Variants in TULP4 observed in about 807,000 individuals in gnomAD.
TULP4 encodes the protein tubby-related protein 4.
A neutral mutation model predicts 129.0 loss-of-function variants in TULP4; 16 were observed. That is an observed-to-expected ratio of 0.12 (90% CI 0.08 to 0.19). The LOEUF (loss-of-function observed/expected upper bound fraction) is 0.19. Ranked by LOEUF, TULP4 falls within the 10% of genes least tolerant of loss-of-function variation. The probability of loss-of-function intolerance (pLI) is 1.00; values close to 1 mark genes in which losing one functional copy is unlikely to be tolerated. For synonymous variants in TULP4, 998 were observed against 854.0 expected (o/e 1.17, Z -2.94); for missense variants, 1,842 against 2,059.1 (o/e 0.89, Z 2.04).
intron 1 of TULP4, among the ~76,000 whole-genome samples, chr6:158,289,939 A>AG (rs1207095607): frequency 3.3e-5 from 5 of 152,064 alleles, no homozygotes; most frequent in Non-Finnish European, 7.4e-5. Flanking sequence ...GCTATAGCCA[A>AG]GAAGTGTTTT....
chr6:158,248,084 G>A (rs772699957), intron 1 of TULP4, among the ~76,000 whole-genome samples: 1 of 152,208 alleles, frequency 6.6e-6, no homozygotes, highest in Non-Finnish European at 1.5e-5. Context: ...ACTGTTTAGA[G>A]TTGTTAAATA....
chr6:158,426,299 G>A (rs915920515), intron 2 of TULP4, among the ~76,000 whole-genome samples: 18 of 151,984 alleles, frequency 1.2e-4, no homozygotes, highest in East Asian at 5.8e-4. Context: ...ATCTTTGCCC[G>A]TTCCTATGTC....
At chr6:158,328,921 TG>T (rs1432062251) in intron 1 of TULP4, among the ~76,000 whole-genome samples, 2 of 152,086 alleles carry the variant, frequency 1.3e-5, no homozygotes, top group African/African-American at 4.8e-5. Flanking sequence ...CACTGGGCAG[TG>T]GGTATCGTAT....
chr6:158,392,056 C>T (rs1021869658), intron 1 of TULP4, among the ~76,000 whole-genome samples: 1 of 152,156 alleles, frequency 6.6e-6, no homozygotes, highest in Non-Finnish European at 1.5e-5. Flanking sequence ...ATACCCTAGA[C>T]TGGGCAGTTT....
upstream of TULP4, among the ~76,000 whole-genome samples, chr6:158,279,547 A>G (rs948160694): frequency 1.3e-5 from 2 of 152,234 alleles, no homozygotes; most frequent in Non-Finnish European, 2.9e-5. Context: ...TTTATGAGGA[A>G]AATCTTTAAC....
intron 1 of TULP4, among the ~76,000 whole-genome samples, chr6:158,375,203 A>G (rs1777157596): frequency 1.3e-5 from 2 of 152,232 alleles, no homozygotes; most frequent in South Asian, 2.1e-4. Flanking sequence ...AGATCGCACC[A>G]TGGCACTCCA....
intron 1 of TULP4, among the ~76,000 whole-genome samples, chr6:158,276,331 G>C (rs911295440): frequency 2.0e-4 from 30 of 146,496 alleles, no homozygotes; most frequent in Non-Finnish European, 3.4e-4. Context: ...TTGAGACAAG[G>C]TTTTGCTCTG....
chr6:158,456,585 G>A (rs141016346), intron 5 of TULP4, among the ~76,000 whole-genome samples: 1,885 of 152,302 alleles, frequency 0.012, 19 homozygotes, highest in Middle Eastern at 0.027. Flanking sequence ...TGTAATCCCA[G>A]CACTTTGGGA....
chr6:158,382,404 G>A (rs1316432301), intron 1 of TULP4, among the ~76,000 whole-genome samples: 3 of 152,126 alleles, frequency 2.0e-5, no homozygotes, highest in African/African-American at 4.8e-5. Flanking sequence ...ATAATTGAGC[G>A]GGAAAACAAA....
In TULP4 at chr6:158,413,274, A is replaced by C. The variant is rs1778137326; in HGVS notation, c.381+81A>C. On this transcript the variant is annotated intron_variant, in intron 2 of 13. Coordinates refer to ENST00000367097, the MANE Select transcript of TULP4 (RefSeq NM_020245.5). The surrounding 1 kb of genome is among the most constrained non-coding windows in gnomAD (Gnocchi z 4.9). ...ACAGGCATTCCGGAGCCAGTGCGTT[A>C]GCACCACACAGCGCCACGTGCTCCA... The C allele has an allele frequency of 1.4e-6, 2 of 1,470,864 alleles. No individual in the cohort carries two copies. Among genetic ancestry groups the C allele is most frequent in the Non-Finnish European group, 1.8e-6 (2 of 1,095,414 alleles). 91.1% of individuals were successfully genotyped at this position (1,470,864 alleles called of 1,614,324 possible). A position where few individuals can be genotyped will look rare whatever the true frequency, so the allele number is the denominator to read the frequency against.
upstream of TULP4, among the ~76,000 whole-genome samples, chr6:158,280,981 G>C (rs1033543671): frequency 3.3e-5 from 5 of 152,058 alleles, no homozygotes; most frequent in African/African-American, 1.2e-4. Context: ...TACATTAAAC[G>C]TGAGGAGTAA....
intron 1 of TULP4, among the ~76,000 whole-genome samples, chr6:158,271,173 G>A (rs571286566): frequency 6.7e-6 from 1 of 149,742 alleles, no homozygotes; most frequent in Non-Finnish European, 1.5e-5. Context: ...AAAAAAAGAT[G>A]CTGTACTGAG....
At chr6:158,286,860 T>G (rs1435144515) in intron 1 of TULP4, among the ~76,000 whole-genome samples, 1 of 152,242 alleles carries the variant, frequency 6.6e-6, no homozygotes. Context: ...TCCTTCTTAA[T>G]GAGAAGATAG....
At chr6:158,365,899 C>CTTTTTTTTTTTTTTTTTTTT (rs5881257) in intron 1 of TULP4, among the ~76,000 whole-genome samples, 1 of 57,542 alleles carries the variant, frequency 1.7e-5, no homozygotes, top group Non-Finnish European at 2.9e-5. Context: ...CTTTTTCTTT[C>CTTTTTTTTTTTTTTTTTTTT]TTTTTTTTTT....
At chr6:158,487,971 A>T (rs761979943) in intron 8 of TULP4, among the ~76,000 whole-genome samples, 1 of 152,174 alleles carries the variant, frequency 6.6e-6, no homozygotes, top group Non-Finnish European at 1.5e-5. Context: ...CAGACAATAA[A>T]ATAGTAGTTA....
In TULP4 at chr6:158,387,696, C is replaced by CT. The variant is rs530479471; in HGVS notation, c.253-25367dup. Reference sequence around the variant, plus strand: ...GCGTGCACACACACATACATTGTGGCTTCTTTTTTTTCTTAACTTAAAGCT... The same window carrying CT: ...GCGTGCACACACACATACATTGTGGCTTTCTTTTTTTTCTTAACTTAAAGCT... On this transcript the variant is annotated intron_variant, in intron 1 of 13. Transcript: ENST00000367097. Among the ~76,000 whole-genome samples, 378 of 152,196 alleles carry CT rather than the reference C, an allele frequency of 2.5e-3. 6 individuals are homozygous for CT. The highest frequency in any genetic ancestry group is 8.8e-3 in the African/African-American group (365 of 41,514).
chr6:158,431,539 A>T (rs1778629188), intron 3 of TULP4, among the ~76,000 whole-genome samples: 1 of 152,166 alleles, frequency 6.6e-6, no homozygotes, highest in South Asian at 2.1e-4. Context: ...CTTGCCTTTG[A>T]GGTACAATTG....
At chr6:158,236,268 T>G (rs774319923) in intron 1 of TULP4, among the ~76,000 whole-genome samples, 33 of 152,228 alleles carry the variant, frequency 2.2e-4, no homozygotes, top group African/African-American at 6.8e-4. Context: ...ATATGTTATT[T>G]TCAGTGTCTG....
intron 1 of TULP4, among the ~76,000 whole-genome samples, chr6:158,276,952 T>A (rs1214676400): frequency 6.6e-6 from 1 of 152,146 alleles, no homozygotes; most frequent in African/African-American, 2.4e-5. Context: ...CTGTTTTTCT[T>A]TTTTGAGATA....
Sources: gnomAD v4.1 joint callset for allele counts (sites outside exome capture counted in the v4.1 genomes callset) on GRCh38, gnomAD v4.1.1 for gene constraint, Gnocchi (gnomAD v3.1) non-coding constraint, MANE v1.5 for transcripts, NCBI Gene and HGNC (gene_info 2026-07-23, HGNC 2026-07-21) for gene names.